BABAM2: variants seen among roughly 807,000 people sequenced by gnomAD.
The protein encoded by BABAM2 is BRISC and BRCA1 A complex member 2.
Under a neutral mutation model 54.7 loss-of-function variants are expected in BABAM2, and 31 were observed. The ratio of observed to expected loss-of-function variants is 0.57; its 90% CI spans 0.43 to 0.77. The LOEUF (loss-of-function observed/expected upper bound fraction) is 0.77. Among genes scored for constraint, BABAM2 ranks in the 30% least tolerant of loss-of-function variants. BABAM2 has a pLI of 0.00. For synonymous variants in BABAM2, 167 were observed against 162.9 expected (o/e 1.03, Z -0.19); for missense variants, 364 against 455.8 (o/e 0.80, Z 1.83).
At chr2:27,932,442 T>C (rs1558597536) in intron 3 of BABAM2, among the ~76,000 whole-genome samples, 1 of 152,338 alleles carries the variant, frequency 6.6e-6, no homozygotes, top group Admixed American at 6.5e-5. Flanking sequence ...TTCCCTCTTT[T>C]ATGCTATAGT....
intron 7 of BABAM2, among the ~76,000 whole-genome samples, chr2:28,211,988 A>G (rs909781428): frequency 8.6e-5 from 13 of 151,996 alleles, no homozygotes; most frequent in South Asian, 2.1e-4. Context: ...TTTTTTTCCC[A>G]TAAGTCTCTT....
At chr2:28,087,642 C>CT (rs1665776286) in intron 6 of BABAM2, among the ~76,000 whole-genome samples, 1 of 151,934 alleles carries the variant, frequency 6.6e-6, no homozygotes, top group South Asian at 2.1e-4. Flanking sequence ...TTGGGGGCTT[C>CT]CTCAATATGA....
chr2:28,127,126 A>G (rs1216143622), intron 6 of BABAM2, among the ~76,000 whole-genome samples: 2 of 152,150 alleles, frequency 1.3e-5, no homozygotes, highest in South Asian at 4.1e-4. Flanking sequence ...TTTGCTGTGC[A>G]GAAGCTCTTT....
chr2:28,186,706 G>A (rs185560869), intron 7 of BABAM2, among the ~76,000 whole-genome samples: 4 of 152,154 alleles, frequency 2.6e-5, no homozygotes, highest in South Asian at 2.1e-4. Context: ...GAAGCGAAGC[G>A]AAGCAAGGCA....
intron 6 of BABAM2, among the ~76,000 whole-genome samples, chr2:28,112,373 A>T (rs1234951356): frequency 1.3e-5 from 2 of 150,964 alleles, no homozygotes; most frequent in African/African-American, 4.9e-5. Context: ...CTACCCCCTG[A>T]CAGGCCCTGG....
chr2:27,895,140 T>G (rs1665187702), intron 2 of BABAM2: 1 of 152,254 alleles, frequency 6.6e-6, no homozygotes, highest in Non-Finnish European at 1.5e-5. Flanking sequence ...CTAGAAATGT[T>G]GCATTAAAAA....
chr2:28,139,567 CA>C (rs1280914191), intron 7 of BABAM2, among the ~76,000 whole-genome samples: 8 of 151,136 alleles, frequency 5.3e-5, no homozygotes, highest in African/African-American at 1.7e-4. Context: ...GACTCCATCT[CA>C]AAAAAAATGA....
At chr2:28,213,232 A>C (rs1454625043) in intron 7 of BABAM2, among the ~76,000 whole-genome samples, 1 of 152,158 alleles carries the variant, frequency 6.6e-6, no homozygotes, top group African/African-American at 2.4e-5. Context: ...TCTCAAAAAA[A>C]AAAAAAATTA....
chr2:27,952,521 G>A (rs1418841599), intron 3 of BABAM2, among the ~76,000 whole-genome samples: 1 of 152,146 alleles, frequency 6.6e-6, no homozygotes, highest in African/African-American at 2.4e-5. Flanking sequence ...AGGAAACTAG[G>A]TGCTTAATGG....
intron 7 of BABAM2, among the ~76,000 whole-genome samples, chr2:28,141,382 A>G (rs543357848): frequency 1.0e-3 from 157 of 152,300 alleles, no homozygotes; most frequent in Non-Finnish European, 1.7e-3. Context: ...TCATTTTTGC[A>G]AGAATTCTGT....
At chr2:27,969,443 C>A (rs894374479) in intron 3 of BABAM2, among the ~76,000 whole-genome samples, 11 of 152,100 alleles carry the variant, frequency 7.2e-5, no homozygotes, top group African/African-American at 2.7e-4. Flanking sequence ...TCACTCACAA[C>A]CCCCCAGCTA....
chr2:28,260,039 T>A (rs1684353284), intron 10 of BABAM2, among the ~76,000 whole-genome samples: 1 of 152,124 alleles, frequency 6.6e-6, no homozygotes, highest in African/African-American at 2.4e-5. Context: ...TAGCTGGGAT[T>A]ACAGGCACAT....
At chr2:28,027,253 CA>C (rs1675939847) in intron 5 of BABAM2, among the ~76,000 whole-genome samples, 1 of 151,778 alleles carries the variant, frequency 6.6e-6, no homozygotes, top group African/African-American at 2.4e-5. Flanking sequence ...ACTCTTCCTT[CA>C]AACTTCTACT....
At chr2:27,964,579 T>A (rs1438601157) in intron 3 of BABAM2, among the ~76,000 whole-genome samples, 1 of 152,190 alleles carries the variant, frequency 6.6e-6, no homozygotes, top group East Asian at 1.9e-4. Flanking sequence ...TGTAATATGG[T>A]AGGCCATACA....
At chr2:28,243,503 G>C (rs1308571251) in intron 9 of BABAM2, among the ~76,000 whole-genome samples, 1 of 151,836 alleles carries the variant, frequency 6.6e-6, no homozygotes, top group Non-Finnish European at 1.5e-5. Context: ...CTATACTCTA[G>C]CCTGGGCAAC....
intron 7 of BABAM2, among the ~76,000 whole-genome samples, chr2:28,146,593 G>A (rs1671513687): frequency 6.6e-6 from 1 of 152,178 alleles, no homozygotes; most frequent in Non-Finnish European, 1.5e-5. Flanking sequence ...CATGAGTGGT[G>A]AATAAAATAT....
intron 10 of BABAM2, among the ~76,000 whole-genome samples, chr2:28,280,027 G>A (rs545730748): frequency 1.3e-5 from 2 of 151,824 alleles, no homozygotes; most frequent in South Asian, 2.1e-4. Flanking sequence ...TTATAAGAAC[G>A]CATTTGGTCC....
intron 5 of BABAM2, among the ~76,000 whole-genome samples, chr2:28,040,515 T>C (rs921987791): frequency 5.9e-5 from 9 of 151,758 alleles, no homozygotes; most frequent in South Asian, 2.1e-4. Context: ...TTAGCCGGGA[T>C]GGTCTCGATC....
intron 11 of BABAM2, among the ~76,000 whole-genome samples, chr2:28,338,022 C>T (rs1230223503): frequency 6.6e-6 from 1 of 152,138 alleles, no homozygotes; most frequent in Non-Finnish European, 1.5e-5. Flanking sequence ...CTTATTAGAC[C>T]CTCTTTGTCT....
Sources: gnomAD v4.1 joint callset for allele counts (sites outside exome capture counted in the v4.1 genomes callset) on GRCh38, gnomAD v4.1.1 for gene constraint, MANE v1.5 for transcripts, NCBI Gene and HGNC (gene_info 2026-07-23, HGNC 2026-07-21) for gene names.